Variants in IBTK observed in about 807,000 individuals in gnomAD.
The protein encoded by IBTK is inhibitor of Bruton tyrosine kinase, also known as BTK-binding protein.
IBTK carries 83 observed loss-of-function variants against 154.9 expected under a neutral mutation model. The ratio of observed to expected loss-of-function variants is 0.54; its 90% CI spans 0.45 to 0.64. The LOEUF is 0.64. Among genes scored for constraint, IBTK ranks in the 30% least tolerant of loss-of-function variants. IBTK has a pLI of 0.00. For missense variants in IBTK, 1,332 were observed against 1,584.6 expected (o/e 0.84, Z 2.71); for synonymous variants, 515 against 536.1 (o/e 0.96, Z 0.54).
In IBTK at chr6:82,191,770, T is replaced by C. The variant is rs1376146798; in HGVS notation, c.3431+17A>G. On this transcript the variant is annotated intron_variant, in intron 24 of 28. Coordinates refer to ENST00000306270, the MANE Select transcript of IBTK (RefSeq NM_015525.4). ...AAATACAACATGAAATGATCTTTTG[T>C]AATGTTTTCAACCCACCCTAAATGT... is the stretch of plus-strand genomic sequence containing the variant. 7.8e-6 allele frequency: 11 copies of C among 1,409,818 alleles called. No homozygotes were observed. Among genetic ancestry groups the C allele is most frequent in the Non-Finnish European group, 1.1e-5 (11 of 994,176 alleles). 87.3% of individuals were successfully genotyped at this position (1,409,818 alleles called of 1,614,324 possible).
intron 5 of IBTK, among the ~76,000 whole-genome samples, chr6:82,226,629 G>A (rs4706162): frequency 0.24 from 35,171 of 148,702 alleles, 4,113 homozygotes; most frequent in Admixed American, 0.26. Flanking sequence ...TTTTTGAGAC[G>A]GAGTTTCACT....
intron 26 of IBTK, among the ~76,000 whole-genome samples, chr6:82,176,307 G>A (rs368433207): frequency 1.3e-5 from 2 of 152,004 alleles, no homozygotes; most frequent in Non-Finnish European, 2.9e-5. Flanking sequence ...GATCACCTGA[G>A]GTCAGGAGTT....
intron 25 of IBTK, among the ~76,000 whole-genome samples, chr6:82,186,289 G>A (rs1768553657): frequency 6.6e-6 from 1 of 152,042 alleles, no homozygotes; most frequent in Non-Finnish European, 1.5e-5. Context: ...AAAGTCACAT[G>A]TCTCTCACTT....
At chr6:82,182,608 C>T (rs1768362168) in intron 25 of IBTK, among the ~76,000 whole-genome samples, 1 of 151,970 alleles carries the variant, frequency 6.6e-6, no homozygotes, top group African/African-American at 2.4e-5. Context: ...CCAAAATTTT[C>T]CCAAATTTGG....
chr6:82,217,417 C>T (rs887246378), intron 10 of IBTK, among the ~76,000 whole-genome samples: 1 of 152,092 alleles, frequency 6.6e-6, no homozygotes, highest in Non-Finnish European at 1.5e-5. Flanking sequence ...CAAATATTTA[C>T]ATACATGTCT....
At chr6:82,193,426 T>C (rs767759972) in intron 23 of IBTK, among the ~76,000 whole-genome samples, 1 of 147,232 alleles carries the variant, frequency 6.8e-6, no homozygotes, top group South Asian at 2.2e-4. Context: ...TGTGTACTTA[T>C]GCAAAAAAAA....
chr6:82,191,050 T>G lies in IBTK; in HGVS notation c.3575+23A>C, dbSNP rs757690535. 2.7e-6 allele frequency: 4 copies of G among 1,475,124 alleles called. No individual in the cohort carries two copies. The African/African-American group carries it at 5.8e-5, about 21-fold the overall frequency. 91.4% of individuals were successfully genotyped at this position (1,475,124 alleles called of 1,614,324 possible). On this transcript the variant is annotated intron_variant, in intron 25 of 28. Coordinates refer to ENST00000306270, the MANE Select transcript of IBTK (RefSeq NM_015525.4). Reference sequence around the variant, plus strand: ...AAGCAAATGCACAAATCTATATTAATTTTAATAAAAATAAGAGCATACCAT... The same window carrying G: ...AAGCAAATGCACAAATCTATATTAAGTTTAATAAAAATAAGAGCATACCAT...
At chr6:82,180,898 GACATA>G (rs67938369) in intron 26 of IBTK, among the ~76,000 whole-genome samples, 4,579 of 152,134 alleles carry the variant, frequency 0.03, 217 homozygotes, top group African/African-American at 0.1. Flanking sequence ...ACTTGAATTG[GACATA>G]ACATATCTTA....
At chr6:82,227,954 T>C (rs1215351121) in intron 4 of IBTK, among the ~76,000 whole-genome samples, 3 of 152,020 alleles carry the variant, frequency 2.0e-5, no homozygotes, top group Non-Finnish European at 4.4e-5. Context: ...TACACAGACT[T>C]ACTATTCACA....
At chr6:82,179,646 T>C (rs1287893089) in intron 26 of IBTK, among the ~76,000 whole-genome samples, 19 of 152,220 alleles carry the variant, frequency 1.2e-4, no homozygotes. Context: ...ACTTAGCCTG[T>C]ACTGGTACTG....
At chr6:82,246,267 C>G (rs1485361974) in intron 1 of IBTK, among the ~76,000 whole-genome samples, 1 of 152,000 alleles carries the variant, frequency 6.6e-6, no homozygotes, top group Non-Finnish European at 1.5e-5. Context: ...GCTGGAGACT[C>G]AAGCGATTCT....
Position 82,189,405 on chromosome 6 carries a change from C to T in IBTK, c.3575+1668G>A, listed in dbSNP as rs994406562. Among the ~76,000 whole-genome samples, 5 of 152,110 alleles carry T rather than the reference C, an allele frequency of 3.3e-5. 1 individual carries two copies. The highest frequency in any genetic ancestry group is 4.8e-5 in the African/African-American group (2 of 41,410). ...TTCCAATTTAGAATCCCGTTCCCAT[C>T]TATCAGTCAAGAAGAATGAAGGCTA... On this transcript the variant is annotated intron_variant, in intron 25 of 28. Coordinates refer to ENST00000306270, the MANE Select transcript of IBTK (RefSeq NM_015525.4).
intron 25 of IBTK, among the ~76,000 whole-genome samples, chr6:82,187,855 C>T (rs967106815): frequency 6.6e-6 from 1 of 152,144 alleles, no homozygotes; most frequent in Non-Finnish European, 1.5e-5. Context: ...TTCAAAGTCA[C>T]TAGTAATAGA....
At chr6:82,219,901 ATCTTTACTT>A (rs1205481280) in intron 9 of IBTK, among the ~76,000 whole-genome samples, 1 of 152,086 alleles carries the variant, frequency 6.6e-6, no homozygotes, top group Non-Finnish European at 1.5e-5. Flanking sequence ...ATATTGCCTG[ATCTTTACTT>A]TTTTAACAGT....
intron 2 of IBTK, among the ~76,000 whole-genome samples, chr6:82,236,656 G>A (rs1345909784): frequency 1.3e-5 from 2 of 152,142 alleles, no homozygotes; most frequent in African/African-American, 4.8e-5. Context: ...ACAATTTACT[G>A]TGCAATTTAC....
intron 18 of IBTK, among the ~76,000 whole-genome samples, chr6:82,202,137 T>C (rs1240208188): frequency 6.6e-6 from 1 of 152,186 alleles, no homozygotes; most frequent in Non-Finnish European, 1.5e-5. Context: ...GTCTAGCACA[T>C]AGTTAATAGT....
At chr6:82,229,285 T>C (rs1770413469) in intron 4 of IBTK, among the ~76,000 whole-genome samples, 1 of 152,080 alleles carries the variant, frequency 6.6e-6, no homozygotes, top group African/African-American at 2.4e-5. Context: ...TCTCTTTGAG[T>C]ACACTAGTTC....
intron 26 of IBTK, among the ~76,000 whole-genome samples, chr6:82,175,281 A>G (rs767719771): frequency 1.3e-5 from 2 of 152,218 alleles, no homozygotes; most frequent in Admixed American, 6.5e-5. Flanking sequence ...TCTTAGAGAT[A>G]TAAGTACTGA....
intron 1 of IBTK, among the ~76,000 whole-genome samples, chr6:82,247,356 C>CG (rs551197283): frequency 2.7e-4 from 41 of 152,334 alleles, no homozygotes; most frequent in Non-Finnish European, 5.1e-4. Flanking sequence ...CTGAGGGGGG[C>CG]GGTAGGGACC....
Sources: allele counts gnomAD v4.1 joint callset (sites outside exome capture counted in the v4.1 genomes callset), GRCh38; gene constraint gnomAD v4.1.1; transcripts MANE v1.5; gene names NCBI Gene and HGNC (gene_info 2026-07-23, HGNC 2026-07-21).